The following DNAH5 variants were observed in gnomAD, a reference collection of about 807,000 sequenced individuals.
DNAH5 encodes the protein axonemal beta dynein heavy chain 5.
A neutral mutation model predicts 518.2 loss-of-function variants in DNAH5; 372 were observed. The observed-to-expected ratio is 0.72, with a 90% confidence interval of 0.66 to 0.78. The LOEUF (loss-of-function observed/expected upper bound fraction) is 0.78, where lower values mean the gene tolerates loss of function less well. Ranked by LOEUF, DNAH5 falls within the 30% of genes least tolerant of loss-of-function variation. The pLI, the probability that DNAH5 is intolerant of heterozygous loss-of-function variation, is 0.00. For synonymous variants in DNAH5, 2,039 were observed against 2,025.9 expected (o/e 1.01, Z -0.17); for missense variants, 5,523 against 5,687.0 (o/e 0.97, Z 0.93).
In DNAH5 at chr5:13,726,535, C is replaced by A. The variant is rs538334729; in HGVS notation, c.12033+972G>T. ...TAAGAAAGAGACTACTCAAACATTT[C>A]TTTCCACACTGTCCTTAAATAAGGC... On this transcript the variant is annotated intron_variant, in intron 70 of 78. Coordinates refer to ENST00000265104, the MANE Select transcript of DNAH5 (RefSeq NM_001369.3). Among the ~76,000 whole-genome samples the A allele has an allele frequency of 2.0e-5, 3 of 152,336 alleles. No homozygotes were observed. In the East Asian group the frequency reaches 5.8e-4, roughly 29 times the overall value.
At chr5:13,803,485 G>A (rs1759092328) in intron 47 of DNAH5, among the ~76,000 whole-genome samples, 1 of 152,088 alleles carries the variant, frequency 6.6e-6, no homozygotes, top group Non-Finnish European at 1.5e-5. Flanking sequence ...GGAAGCATGT[G>A]GGTGCACAGC....
In DNAH5 at chr5:13,879,709, G is replaced by GA. The variant is rs141203219; in HGVS notation, c.3263-2893dup. Among the ~76,000 whole-genome samples, 308 of 148,908 alleles carry GA rather than the reference G, an allele frequency of 2.1e-3. 5 individuals carry two copies. In the East Asian group the frequency reaches 0.039, roughly 19 times the overall value. The stretch of plus-strand genomic sequence containing the variant: ...CAGAAGACTAGATCAAGCAGAAGTA[G>GA]AAAAAAAAACAGTGGATTCAAAGAG... On this transcript the variant is annotated intron_variant, in intron 21 of 78. Coordinates refer to ENST00000265104, the MANE Select transcript of DNAH5 (RefSeq NM_001369.3).
intron 53 of DNAH5, among the ~76,000 whole-genome samples, chr5:13,779,245 C>T (rs939395502): frequency 1.3e-5 from 2 of 152,210 alleles, no homozygotes; most frequent in Non-Finnish European, 2.9e-5. Flanking sequence ...TAACCAAAAA[C>T]TAGAAGAATC....
intron 1 of DNAH5, among the ~76,000 whole-genome samples, chr5:13,993,599 C>A (rs533226788): frequency 6.6e-6 from 1 of 152,146 alleles, no homozygotes; most frequent in African/African-American, 2.4e-5. Context: ...TAGACATAAT[C>A]GTAAGTATTT....
chr5:13,725,852 C>T (rs1745653786), intron 70 of DNAH5, among the ~76,000 whole-genome samples: 1 of 152,140 alleles, frequency 6.6e-6, no homozygotes, highest in African/African-American at 2.4e-5. Flanking sequence ...TGCGGTTTCA[C>T]CATGTTGGCC....
At chr5:13,736,787 A>G (rs1454123915) in intron 66 of DNAH5, among the ~76,000 whole-genome samples, 1 of 152,182 alleles carries the variant, frequency 6.6e-6, no homozygotes, top group Non-Finnish European at 1.5e-5. Context: ...TGAATTATTT[A>G]GCAGGTTTCT....
intron 65 of DNAH5, among the ~76,000 whole-genome samples, chr5:13,748,253 C>T (rs544228901): frequency 6.6e-6 from 1 of 152,294 alleles, no homozygotes; most frequent in South Asian, 2.1e-4. Flanking sequence ...TGTTTTGGTA[C>T]CAGTACCATG....
intron 53 of DNAH5, among the ~76,000 whole-genome samples, chr5:13,778,596 A>AAGAAAGAAAG (rs768853052): frequency 0.044 from 4,498 of 101,408 alleles, 188 homozygotes; most frequent in Non-Finnish European, 0.051. Flanking sequence ...GAAAGAAAGA[A>AAGAAAGAAAG]AGAGAGAGAG....
At chr5:13,982,692 A>ACGAG in intron 1 of DNAH5, among the ~76,000 whole-genome samples, 1 of 139,800 alleles carries the variant, frequency 7.2e-6, no homozygotes, top group South Asian at 2.3e-4. Context: ...GCACTATTGC[A>ACGAG]TGAGTGAGTA....
Position 13,751,240 on chromosome 5 carries a change from T to G in DNAH5, c.11049A>C (p.Glu3683Asp). The G allele has an allele frequency of 6.2e-7, 1 of 1,613,646 alleles. No homozygotes were observed. Among genetic ancestry groups the G allele is most frequent in the South Asian group, 1.1e-5 (1 of 91,028 alleles). ...STFKVKVGDK[E>D]VDVLDGFRLY... is the part of the protein sequence containing the mutation. Reference sequence around the variant, plus strand: ...GTCTAAAGCCATCCAACACATCTACTTCCTTGTCACCAACTTTCACCTTTT... The same window carrying G: ...GTCTAAAGCCATCCAACACATCTACGTCCTTGTCACCAACTTTCACCTTTT... Residue 3683 changes from glutamate (E) to aspartate (D), a missense_variant, in exon 65 of 79, where the codon GAA becomes GAC. Coordinates refer to ENST00000265104, the MANE Select transcript of DNAH5 (RefSeq NM_001369.3).
Position 13,951,035 on chromosome 5 carries a change from T to C in DNAH5, c.13-19791A>G, listed in dbSNP as rs143498769. On this transcript the variant is annotated intron_variant, in intron 1 of 78. Transcript: ENST00000681290. ...AGAACCCTTATTAATGTGATGCTTC[T>C]TGCTTTATGAAAGCATTAGGAGCTG... Among the ~76,000 whole-genome samples, 45 of 152,246 alleles carry C rather than the reference T, an allele frequency of 3.0e-4. No individual in the cohort carries two copies. In the East Asian group the frequency reaches 7.7e-3, roughly 26 times the overall value.
intron 15 of DNAH5, among the ~76,000 whole-genome samples, chr5:13,895,866 T>C (rs767772313): frequency 3.9e-5 from 6 of 152,058 alleles, no homozygotes; most frequent in Non-Finnish European, 8.8e-5. Flanking sequence ...CCAACTCAGC[T>C]GATAGTGACT....
chr5:13,986,148 C>T (rs563130826), intron 1 of DNAH5, among the ~76,000 whole-genome samples: 32 of 152,282 alleles, frequency 2.1e-4, no homozygotes, highest in African/African-American at 6.0e-4. Flanking sequence ...GGTCTCCTGC[C>T]GGAGGCGGAG....
intron 61 of DNAH5, among the ~76,000 whole-genome samples, chr5:13,758,547 A>T (rs1158173759): frequency 6.6e-6 from 1 of 152,160 alleles, no homozygotes; most frequent in African/African-American, 2.4e-5. Context: ...AGTTACTTCA[A>T]AGATTAAATG....
At position 13,957,862 on chromosome 5, in the gene DNAH5, A is replaced by G. The variant is rs141848617; in HGVS notation, c.13-26618T>C. Among the ~76,000 whole-genome samples the G allele has an allele frequency of 1.6e-3, 241 of 151,710 alleles. 1 individual carries two copies. Among genetic ancestry groups the G allele is most frequent in the African/African-American group, 5.6e-3 (231 of 41,540 alleles). ...AAATAATAAAAATTGATTGGAAAAT[A>G]GAAAAAATCACCATAATATGAACAC... On this transcript the variant is annotated intron_variant, in intron 1 of 78. Coordinates refer to the DNAH5 transcript ENST00000681290.
intron 51 of DNAH5, 35 bp from the exon 52 acceptor site, chr5:13,786,386 C>T: frequency 6.3e-7 from 1 of 1,588,310 alleles, no homozygotes; most frequent in African/African-American, 1.3e-5. Context: ...TAAGTTTCTG[C>T]AAATACCTGC....
At position 13,869,915 on chromosome 5, in the gene DNAH5, T is replaced by C. The variant is rs1193684065; in HGVS notation, c.3834+852A>G. 2.0e-5 allele frequency among the ~76,000 whole-genome samples: 3 copies of C among 152,300 alleles called. No individual in the cohort carries two copies. In the South Asian group the frequency reaches 6.2e-4, roughly 32 times the overall value. On this transcript the variant is annotated intron_variant, in intron 24 of 78. Transcript: ENST00000265104. ...AGACTCCTTAGAAAGAGATGATGTT[T>C]ACTCAAGTGAATCTATTCAAGGGTG...
At chr5:13,792,673 T>C (rs1306258340) in intron 49 of DNAH5, among the ~76,000 whole-genome samples, 2 of 152,230 alleles carry the variant, frequency 1.3e-5, no homozygotes, top group African/African-American at 4.8e-5. Context: ...CAGTCATTTT[T>C]TTCTGGTCCA....
intron 1 of DNAH5, among the ~76,000 whole-genome samples, chr5:13,966,080 G>T (rs550079076): frequency 2.6e-5 from 4 of 151,304 alleles, no homozygotes; most frequent in Non-Finnish European, 5.9e-5. Flanking sequence ...GAGAACATAC[G>T]ATGTTTGGTT....
Sources: gnomAD v4.1 joint callset for allele counts (sites outside exome capture counted in the v4.1 genomes callset) on GRCh38, gnomAD v4.1.1 for gene constraint, MANE v1.5 for transcripts, NCBI Gene and HGNC (gene_info 2026-07-23, HGNC 2026-07-21) for gene names.